The following FAM222B variants were observed in gnomAD, a reference collection of about 807,000 sequenced individuals.
FAM222B encodes family with sequence similarity 222 member B, also known as protein FAM222B.
A neutral mutation model predicts 38.0 loss-of-function variants in FAM222B; 12 were observed. That is an observed-to-expected ratio of 0.32 (90% CI 0.20 to 0.51). The LOEUF (loss-of-function observed/expected upper bound fraction) is 0.51, where lower values mean the gene tolerates loss of function less well. Ranked by LOEUF, FAM222B falls within the 20% of genes least tolerant of loss-of-function variation. FAM222B has a pLI of 0.97. For synonymous variants in FAM222B, 329 were observed against 317.2 expected (o/e 1.04, Z -0.40); for missense variants, 716 against 754.2 (o/e 0.95, Z 0.59).
At chr17:28,775,929 A>G (rs1359882768) in intron 1 of FAM222B, among the ~76,000 whole-genome samples, 1 of 151,358 alleles carries the variant, frequency 6.6e-6, no homozygotes, top group Non-Finnish European at 1.5e-5. Context: ...AAACAAAAAG[A>G]GCCGGGCATG....
At chr17:28,805,890 C>T (rs187903578) in intron 1 of FAM222B, among the ~76,000 whole-genome samples, 1 of 152,104 alleles carries the variant, frequency 6.6e-6, no homozygotes, top group Non-Finnish European at 1.5e-5. Context: ...GCCTGTAATC[C>T]CAGCACTTTG....
intron 1 of FAM222B, among the ~76,000 whole-genome samples, chr17:28,841,111 A>G (rs1202911748): frequency 6.6e-6 from 1 of 152,098 alleles, no homozygotes; most frequent in Non-Finnish European, 1.5e-5. Context: ...CCTGGCCAAC[A>G]TGGTGAAACC....
chr17:28,764,419 G>T (rs749276370), intron 2 of FAM222B, among the ~76,000 whole-genome samples: 45 of 150,132 alleles, frequency 3.0e-4, no homozygotes, highest in Non-Finnish European at 4.7e-4. Context: ...TCCAGCCTGG[G>T]TGACAAGAGC....
intron 1 of FAM222B, among the ~76,000 whole-genome samples, chr17:28,778,550 C>G (rs527910953): frequency 2.0e-4 from 28 of 143,454 alleles, no homozygotes; most frequent in African/African-American, 4.3e-4. Context: ...GTCACCCAGA[C>G]TGGAATATGG....
At chr17:28,778,679 T>TTG (rs1555573094) in intron 1 of FAM222B, among the ~76,000 whole-genome samples, 15 of 110,212 alleles carry the variant, frequency 1.4e-4, no homozygotes, top group East Asian at 7.3e-4. Context: ...AATTTTTTTT[T>TTG]TGTGTGTGTG....
At chr17:28,779,080 G>A (rs2036043898) in intron 1 of FAM222B, among the ~76,000 whole-genome samples, 1 of 151,950 alleles carries the variant, frequency 6.6e-6, no homozygotes, top group Admixed American at 6.6e-5. Flanking sequence ...GAGACCAGAA[G>A]AATTCTGCCA....
intron 1 of FAM222B, among the ~76,000 whole-genome samples, chr17:28,789,079 CAA>C (rs397857027): frequency 0.19 from 12,022 of 63,086 alleles, 384 homozygotes; most frequent in Middle Eastern, 0.25. Flanking sequence ...AAAGATACCT[CAA>C]AAAAAAAAAA....
Position 28,758,958 on chromosome 17 carries a change from G to A in FAM222B, c.1001C>T (p.Thr334Ile), listed in dbSNP as rs34289421. 4 of 1,610,744 alleles carry A rather than the reference G, an allele frequency of 2.5e-6. No homozygotes were observed. The highest frequency in any genetic ancestry group is 2.2e-5 in the South Asian group (2 of 90,376). Residue 334 changes from threonine (T) to isoleucine (I), a missense_variant, in exon 3 of 3, where the codon ACC becomes ATC. Transcript: ENST00000581407. The stretch of plus-strand genomic sequence containing the variant: ...AGGACCTGCAGCAGGCAACGCGGCG[G>A]TGGCCGCGTGGGTGTGCTCCATGGG... ...VNPMEHTHAA[T>I]AALPAAGPVN...
At chr17:28,778,718 T>C (rs1440665246) in intron 1 of FAM222B, among the ~76,000 whole-genome samples, 15 of 75,696 alleles carry the variant, frequency 2.0e-4, no homozygotes, top group Non-Finnish European at 2.8e-4. Context: ...TATATATATA[T>C]ATTTTTTTTT....
Position 28,758,669 on chromosome 17 carries a change from G to T in FAM222B, c.1290C>A (p.Thr430=), listed in dbSNP as rs776035748. The T allele has an allele frequency of 1.2e-6, 2 of 1,607,238 alleles. No individual in the cohort carries two copies. The highest frequency in any genetic ancestry group is 1.7e-6 in the Non-Finnish European group (2 of 1,175,798). The change falls in exon 3 of 3, where the codon ACC becomes ACA. Residue 430 remains threonine (T), a synonymous_variant. Coordinates refer to ENST00000581407, the MANE Select transcript of FAM222B (RefSeq NM_001077498.3). The part of the protein sequence containing the change: ...FHLKPPLEKP[T]PSPPVNGMAA... ...CCATGCCGTTGACTGGTGGGGATGG[G>T]GTCGGCTTTTCCAGGGGTGGCTTCA...
chr17:28,840,290 C>T (rs903132813), intron 1 of FAM222B, among the ~76,000 whole-genome samples: 19 of 151,994 alleles, frequency 1.3e-4, no homozygotes, highest in African/African-American at 3.9e-4. Flanking sequence ...TGCTTGAACC[C>T]GGGAGGTGGA....
At chr17:28,773,479 CA>C (rs66716142) in intron 1 of FAM222B, among the ~76,000 whole-genome samples, 1,511 of 60,792 alleles carry the variant, frequency 0.025, 14 homozygotes, top group African/African-American at 0.099. Flanking sequence ...AACTCTGTCT[CA>C]AAAAAAAAAA....
chr17:28,824,063 G>A (rs2038354412), intron 1 of FAM222B, among the ~76,000 whole-genome samples: 1 of 151,932 alleles, frequency 6.6e-6, no homozygotes, highest in African/African-American at 2.4e-5. Flanking sequence ...ATTTTTAGCA[G>A]AGACAGGGTT....
chr17:28,826,734 A>T (rs2152600504), intron 1 of FAM222B, among the ~76,000 whole-genome samples: 1 of 151,844 alleles, frequency 6.6e-6, no homozygotes, highest in South Asian at 2.1e-4. Context: ...CCTCATTGGA[A>T]TGTAAGCTCC....
chr17:28,763,082 T>C (rs1036074209), intron 2 of FAM222B, among the ~76,000 whole-genome samples: 3 of 152,218 alleles, frequency 2.0e-5, no homozygotes, highest in African/African-American at 4.8e-5. Context: ...TTAAATAGCT[T>C]ATACCAATAG....
rs1309532690 is a variant in FAM222B at position 28,759,610 on chromosome 17, C to T, written c.349G>A (p.Asp117Asn). The T allele has an allele frequency of 1.9e-6, 3 of 1,612,740 alleles. No homozygotes were observed. The highest frequency in any genetic ancestry group is 2.5e-6 in the Non-Finnish European group (3 of 1,179,474). ...VPAKSILKDF[D>N]GTRARLLPEA... ...GGGAGCAACCGGGCTCGGGTGCCGT[C>T]AAAGTCCTTGAGTATGCTTTTGGCT... The change falls in exon 3 of 3, where the codon GAC (aspartate) becomes AAC (asparagine). Residue 117 changes from aspartate (D) to asparagine (N), a missense_variant. Asp to Asn is a conservative substitution (Grantham distance 23, BLOSUM62 1). Transcript: ENST00000581407. The surrounding 1 kb of genome is among the most constrained non-coding windows in gnomAD (Gnocchi z 4.8).
Position 28,842,671 on chromosome 17 carries a change from C to T in FAM222B, c.-41+11G>A. The T allele has an allele frequency of 6.5e-6, 1 of 153,520 alleles. No individual in the cohort carries two copies. The highest frequency in any genetic ancestry group is 1.9e-4 in the South Asian group (1 of 5,384). The allele number at this position is 153,520 out of a possible 1,614,324, so 9.5% of individuals were successfully genotyped here. On this transcript the variant is annotated intron_variant, in intron 1 of 2. Coordinates refer to ENST00000581407, the MANE Select transcript of FAM222B (RefSeq NM_001077498.3). ...CCACGCGTTGTCCACTCCCCCTCCA[C>T]CACTACTCACGGTCGGTGACTGGGC...
intron 1 of FAM222B, among the ~76,000 whole-genome samples, chr17:28,825,387 T>C (rs1374750928): frequency 6.8e-6 from 1 of 148,002 alleles, no homozygotes; most frequent in Admixed American, 6.9e-5. Flanking sequence ...GGAACCAAGA[T>C]TGCACCACTG....
intron 1 of FAM222B, among the ~76,000 whole-genome samples, chr17:28,771,879 CCT>C (rs2035651177): frequency 6.6e-6 from 1 of 151,942 alleles, no homozygotes; most frequent in Admixed American, 6.6e-5. Flanking sequence ...ACAGTGAAAC[CCT>C]GTCTCTACTA....
Sources: gnomAD v4.1 joint callset for allele counts (sites outside exome capture counted in the v4.1 genomes callset) on GRCh38, gnomAD v4.1.1 for gene constraint, Gnocchi (gnomAD v3.1) non-coding constraint, MANE v1.5 for transcripts, NCBI Gene and HGNC (gene_info 2026-07-23, HGNC 2026-07-21) for gene names.